The following CAMK4 variants were observed in gnomAD, a reference collection of about 807,000 sequenced individuals.
The protein encoded by CAMK4 is calcium/calmodulin-dependent protein kinase type IV.
Under a neutral mutation model 44.9 loss-of-function variants are expected in CAMK4, and 22 were observed. The observed-to-expected ratio is 0.49, with a 90% CI of 0.35 to 0.70. The LOEUF (loss-of-function observed/expected upper bound fraction) is 0.70, where lower values mean the gene tolerates loss of function less well. Among genes scored for constraint, CAMK4 ranks in the 30% least tolerant of loss-of-function variants. CAMK4 has a pLI of 0.01. For missense variants in CAMK4, 498 were observed against 586.8 expected (o/e 0.85, Z 1.56); for synonymous variants, 218 against 215.4 (o/e 1.01, Z -0.11).
At chr5:111,445,088 C>T (rs891589102) in intron 5 of CAMK4, among the ~76,000 whole-genome samples, 2 of 152,204 alleles carry the variant, frequency 1.3e-5, no homozygotes, top group Non-Finnish European at 1.5e-5. Context: ...ACTGCACCTG[C>T]TTCCAGGTAT....
chr5:111,307,926 A>G (rs1747993467), intron 1 of CAMK4, among the ~76,000 whole-genome samples: 1 of 64,454 alleles, frequency 1.6e-5, no homozygotes, highest in Non-Finnish European at 2.7e-5. Context: ...AGCCATAAAA[A>G]ATGATGAGTT....
At chr5:111,341,751 G>T (rs1024410385) in intron 1 of CAMK4, among the ~76,000 whole-genome samples, 3 of 151,112 alleles carry the variant, frequency 2.0e-5, no homozygotes, top group East Asian at 1.9e-4. Flanking sequence ...CATGAGATAG[G>T]TACTGTTATT....
intron 1 of CAMK4, among the ~76,000 whole-genome samples, chr5:111,257,431 C>G: frequency 6.6e-6 from 1 of 152,198 alleles, no homozygotes; most frequent in Non-Finnish European, 1.5e-5. Context: ...AAATGCAGTT[C>G]AAGACCACAT....
intron 4 of CAMK4, among the ~76,000 whole-genome samples, chr5:111,393,813 C>G (rs994971887): frequency 6.6e-6 from 1 of 151,264 alleles, no homozygotes; most frequent in Admixed American, 6.6e-5. Context: ...ACAACAAAGC[C>G]CCATCACAGA....
intron 1 of CAMK4, among the ~76,000 whole-genome samples, chr5:111,295,808 G>A (rs533139678): frequency 6.6e-6 from 1 of 152,284 alleles, no homozygotes; most frequent in South Asian, 2.1e-4. Context: ...GGGGAACAAG[G>A]ACAATTTGAA....
At chr5:111,380,721 G>C (rs1341236043) in intron 4 of CAMK4, among the ~76,000 whole-genome samples, 1 of 152,104 alleles carries the variant, frequency 6.6e-6, no homozygotes, top group African/African-American at 2.4e-5. Flanking sequence ...TTGCTTGCCT[G>C]TTTAGGCTTG....
intron 7 of CAMK4, among the ~76,000 whole-genome samples, chr5:111,460,694 A>G (rs376023686): frequency 5.3e-5 from 8 of 152,314 alleles, no homozygotes; most frequent in African/African-American, 1.4e-4. Flanking sequence ...GCTTTTCAAC[A>G]GTTAATACCA....
chr5:111,434,954 C>T (rs1561486494), intron 5 of CAMK4, among the ~76,000 whole-genome samples: 5 of 152,148 alleles, frequency 3.3e-5, no homozygotes, highest in Admixed American at 1.3e-4. Flanking sequence ...TATCAATTAA[C>T]CACACACAGC....
chr5:111,229,204 T>C (rs1748344636), intron 1 of CAMK4, among the ~76,000 whole-genome samples: 1 of 152,204 alleles, frequency 6.6e-6, no homozygotes, highest in African/African-American at 2.4e-5. Context: ...TTCTCACAGC[T>C]CTGGAGGCTA....
At chr5:111,362,267 TA>T (rs1750623005) in intron 2 of CAMK4, among the ~76,000 whole-genome samples, 1 of 152,004 alleles carries the variant, frequency 6.6e-6, no homozygotes, top group South Asian at 2.1e-4. Context: ...TTGAATTCTT[TA>T]AAAAATGTAC....
At chr5:111,353,352 A>G (rs963540781) in intron 2 of CAMK4, among the ~76,000 whole-genome samples, 3 of 151,538 alleles carry the variant, frequency 2.0e-5, no homozygotes, top group African/African-American at 7.3e-5. Context: ...GATTTGTCTG[A>G]TTTCACTTTT....
chr5:111,456,298 G>C (rs1189038432), intron 7 of CAMK4, among the ~76,000 whole-genome samples: 1 of 151,884 alleles, frequency 6.6e-6, no homozygotes, highest in South Asian at 2.1e-4. Context: ...TCAGGAGATC[G>C]AGACCCTCCT....
Position 111,417,999 on chromosome 5 carries a change from G to GT in CAMK4, c.459+23227dup, listed in dbSNP as rs1233750891. Among the ~76,000 whole-genome samples, 694 of 147,546 alleles carry GT rather than the reference G, an allele frequency of 4.7e-3. 7 individuals carry two copies. Among genetic ancestry groups the GT allele is most frequent in the African/African-American group, 0.015 (586 of 40,366 alleles). The stretch of plus-strand genomic sequence containing the variant: ...GATACTTACAACTGATATTTTGGAG[G>GT]TTTTTTTTTTAGGAGAATATGAGTC... On this transcript the variant is annotated intron_variant, in intron 5 of 10. Transcript: ENST00000282356.
chr5:111,252,928 G>A (rs775830242), intron 1 of CAMK4, among the ~76,000 whole-genome samples: 1 of 152,228 alleles, frequency 6.6e-6, no homozygotes, highest in Non-Finnish European at 1.5e-5. Context: ...AGCAAGTGAT[G>A]CTACTTCTAT....
At chr5:111,431,760 G>A (rs958857451) in intron 5 of CAMK4, among the ~76,000 whole-genome samples, 1 of 152,032 alleles carries the variant, frequency 6.6e-6, no homozygotes, top group Non-Finnish European at 1.5e-5. Context: ...ATATGAAAAA[G>A]TACTCAACAT....
intron 1 of CAMK4, among the ~76,000 whole-genome samples, chr5:111,321,229 G>GT (rs1328207346): frequency 6.6e-6 from 1 of 152,160 alleles, no homozygotes; most frequent in Non-Finnish European, 1.5e-5. Flanking sequence ...GTCAAAAACA[G>GT]TTGCTGCTCA....
rs1034505573 is a variant in CAMK4 at position 111,300,800 on chromosome 5, A to G, written c.162-43224A>G. Among the ~76,000 whole-genome samples, 8 of 152,244 alleles carry G rather than the reference A, an allele frequency of 5.3e-5. 1 individual carries two copies. The highest frequency in any genetic ancestry group is 1.9e-4 in the African/African-American group (8 of 41,474). ...AAGCAAATGAAGTTATTTTAACATC[A>G]TTTTTAACATAAGAATTCTCCTAAG... On this transcript the variant is annotated intron_variant, in intron 1 of 10. Transcript: ENST00000282356.
chr5:111,429,416 A>T (rs965029148), intron 5 of CAMK4, among the ~76,000 whole-genome samples: 6 of 152,284 alleles, frequency 3.9e-5, no homozygotes, highest in Middle Eastern at 3.4e-3. Flanking sequence ...CATGCAACCT[A>T]CCAAGATTGA....
intron 5 of CAMK4, among the ~76,000 whole-genome samples, chr5:111,403,393 A>G (rs919773833): frequency 4.6e-5 from 7 of 152,154 alleles, no homozygotes; most frequent in Admixed American, 1.3e-4. Flanking sequence ...ATCAGTTCCT[A>G]TGGTATTTTC....
Sources: allele counts gnomAD v4.1 joint callset (sites outside exome capture counted in the v4.1 genomes callset), GRCh38; gene constraint gnomAD v4.1.1; transcripts MANE v1.5; gene names NCBI Gene and HGNC (gene_info 2026-07-23, HGNC 2026-07-21).